The following INSYN2B variants were observed in gnomAD, a reference collection of about 807,000 sequenced individuals.
INSYN2B encodes the protein protein INSYN2B.
A neutral mutation model predicts 41.2 loss-of-function variants in INSYN2B; 16 were observed. The observed-to-expected ratio is 0.39, with a 90% CI of 0.26 to 0.59. The LOEUF (loss-of-function observed/expected upper bound fraction) is 0.59. Ranked by LOEUF, INSYN2B falls within the 20% of genes least tolerant of loss-of-function variation. INSYN2B has a pLI of 0.57. For missense variants in INSYN2B, 608 were observed against 646.4 expected (o/e 0.94, Z 0.64); for synonymous variants, 245 against 244.4 (o/e 1.00, Z -0.02).
rs999064941 is a variant in INSYN2B, at chr5:169,861,793, T to G, written c.*2480A>C. Among the ~76,000 whole-genome samples the G allele has an allele frequency of 2.6e-5, 4 of 152,232 alleles. No homozygotes were observed. The highest frequency in any genetic ancestry group is 5.9e-5 in the Non-Finnish European group (4 of 68,038). ...CTCATAATGATTTTAAATATCAATTTTTCAGAAGAGAACTCCTTCCCAGTT... is the reference window on the plus strand; with the variant it reads ...CTCATAATGATTTTAAATATCAATTGTTCAGAAGAGAACTCCTTCCCAGTT... On this transcript the variant is annotated 3_prime_UTR_variant, in exon 4 of 4. Transcript: ENST00000377365.
intron 1 of INSYN2B, among the ~76,000 whole-genome samples, chr5:169,954,687 C>T (rs1179049813): frequency 6.6e-5 from 10 of 152,210 alleles, no homozygotes; most frequent in East Asian, 1.9e-4. Context: ...ATCCTGGGCC[C>T]TTTCAAACTT....
chr5:169,941,369 A>T (rs1776239975), intron 1 of INSYN2B, among the ~76,000 whole-genome samples: 3 of 151,978 alleles, frequency 2.0e-5, no homozygotes, highest in Admixed American at 1.3e-4. Context: ...CCCCAGGCCC[A>T]GCTAATTTTG....
At position 169,893,987 on chromosome 5, in the gene INSYN2B, T is replaced by C. The variant is rs549587455; in HGVS notation, c.-918-9171A>G. Among the ~76,000 whole-genome samples the C allele has an allele frequency of 6.6e-5, 10 of 152,340 alleles. No individual in the cohort carries two copies. In the South Asian group the frequency reaches 2.1e-3, roughly 32 times the overall value. ...TTATGAATAAAATTGGAAAAGTCTT[T>C]CCATTCTGAAGGGACCTATGCTCCA... On this transcript the variant is annotated intron_variant, in intron 1 of 3. Transcript: ENST00000377365.
intron 1 of INSYN2B, among the ~76,000 whole-genome samples, chr5:169,926,106 C>T (rs945451021): frequency 3.3e-5 from 5 of 152,108 alleles, no homozygotes; most frequent in Admixed American, 2.6e-4. Context: ...AAGTGGGATG[C>T]TGTGGGAAAA....
chr5:169,900,226 C>A (rs905671005), intron 1 of INSYN2B, among the ~76,000 whole-genome samples: 12 of 152,148 alleles, frequency 7.9e-5, no homozygotes, highest in Non-Finnish European at 4.4e-5. Context: ...TTGTAGAAAT[C>A]CACCATCCCA....
At position 169,896,179 on chromosome 5, in the gene INSYN2B, G is replaced by A. The variant is rs913711535; in HGVS notation, c.-918-11363C>T. On this transcript the variant is annotated intron_variant, in intron 1 of 3. Coordinates refer to ENST00000377365, the MANE Select transcript of INSYN2B (RefSeq NM_001129891.3). ...GCCAGAAACCGTTGCTCCTGGGGTC[G>A]GGGGGCGGGGAGGCAGTCAGCAGTG... Among the ~76,000 whole-genome samples, 5 of 152,192 alleles carry A rather than the reference G, an allele frequency of 3.3e-5. No individual in the cohort carries two copies. The East Asian group carries it at 7.7e-4, about 24-fold the overall frequency.
chr5:169,889,320 A>G (rs956834703), intron 1 of INSYN2B, among the ~76,000 whole-genome samples: 2 of 152,120 alleles, frequency 1.3e-5, no homozygotes, highest in Admixed American at 6.5e-5. Context: ...TGCTTTCTCT[A>G]TTTACGGCAG....
chr5:169,957,226 G>A (rs78081645), intron 1 of INSYN2B, among the ~76,000 whole-genome samples: 4,583 of 152,280 alleles, frequency 0.03, 161 homozygotes, highest in African/African-American at 0.08. Flanking sequence ...AATTAAAATG[G>A]ACACATCAAT....
chr5:169,898,970 T>G (rs532350480), intron 1 of INSYN2B, among the ~76,000 whole-genome samples: 2 of 152,080 alleles, frequency 1.3e-5, no homozygotes, highest in African/African-American at 2.4e-5. Flanking sequence ...ATCCAGAAGT[T>G]AAGAACTCAG....
At chr5:169,926,258 T>C (rs577465469) in intron 1 of INSYN2B, among the ~76,000 whole-genome samples, 1 of 152,356 alleles carries the variant, frequency 6.6e-6, no homozygotes, top group South Asian at 2.1e-4. Context: ...GTCTCTCACC[T>C]GCCACCTGCA....
intron 1 of INSYN2B, among the ~76,000 whole-genome samples, chr5:169,945,173 A>G (rs1373154944): frequency 6.6e-6 from 1 of 152,242 alleles, no homozygotes; most frequent in Non-Finnish European, 1.5e-5. Flanking sequence ...GTGGGTTAAA[A>G]GCAGACAGGC....
chr5:169,924,521 G>A (rs564884728), intron 1 of INSYN2B, among the ~76,000 whole-genome samples: 4 of 152,258 alleles, frequency 2.6e-5, no homozygotes, highest in Admixed American at 2.6e-4. Flanking sequence ...TGAGAATCTT[G>A]ATGATCTTTT....
intron 1 of INSYN2B, among the ~76,000 whole-genome samples, chr5:169,973,423 A>G (rs1238985337): frequency 1.3e-5 from 2 of 152,098 alleles, no homozygotes; most frequent in African/African-American, 4.8e-5. Context: ...CTGAATACCT[A>G]GTGTGTGCCA....
At chr5:169,912,477 A>G (rs1270546830) in intron 1 of INSYN2B, among the ~76,000 whole-genome samples, 1 of 152,170 alleles carries the variant, frequency 6.6e-6, no homozygotes, top group Non-Finnish European at 1.5e-5. Context: ...GTGTGTGTGC[A>G]CATATGTGTT....
intron 1 of INSYN2B, among the ~76,000 whole-genome samples, chr5:169,888,471 A>G (rs1199549759): frequency 1.3e-5 from 2 of 152,214 alleles, no homozygotes; most frequent in East Asian, 1.9e-4. Context: ...TGTTCCATCT[A>G]TGCCTTTGGC....
In INSYN2B at chr5:169,905,288, C is replaced by T. The variant is rs73325963; in HGVS notation, c.-918-20472G>A. ...AAACCCAGGAGCAGTACTGTTAGAG[C>T]CAGTGTTTTTTTTTTTTTTCAGGAG... On this transcript the variant is annotated intron_variant, in intron 1 of 3. Coordinates refer to ENST00000377365, the MANE Select transcript of INSYN2B (RefSeq NM_001129891.3). Among the ~76,000 whole-genome samples, 320 of 85,456 alleles carry T rather than the reference C, an allele frequency of 3.7e-3. 1 individual carries two copies. The highest frequency in any genetic ancestry group is 0.018 in the African/African-American group (302 of 16,530). 56.1% of individuals were successfully genotyped at this position (85,456 alleles called of 152,430 possible).
At chr5:169,970,606 G>T (rs1777468481) in intron 1 of INSYN2B, among the ~76,000 whole-genome samples, 1 of 152,206 alleles carries the variant, frequency 6.6e-6, no homozygotes, top group African/African-American at 2.4e-5. Flanking sequence ...AGGCTGGCTT[G>T]CAGGGTAGTT....
At chr5:169,977,773 G>C (rs1339992412) in intron 1 of INSYN2B, among the ~76,000 whole-genome samples, 1 of 152,174 alleles carries the variant, frequency 6.6e-6, no homozygotes, top group Non-Finnish European at 1.5e-5. Context: ...TTTTCCCAAA[G>C]AGTGCTCCCA....
At position 169,945,269 on chromosome 5, in the gene INSYN2B, C is replaced by T. The variant is rs373431529; in HGVS notation, c.-919+35008G>A. On this transcript the variant is annotated intron_variant, in intron 1 of 3. Transcript: ENST00000377365. Reference sequence around the variant, plus strand: ...TCATTCATACAACGGGTCAATAATACCATACTAACGCCTTAGCAGGCATAT... The same window carrying T: ...TCATTCATACAACGGGTCAATAATATCATACTAACGCCTTAGCAGGCATAT... Among the ~76,000 whole-genome samples, 276 of 152,368 alleles carry T rather than the reference C, an allele frequency of 1.8e-3. 6 individuals carry two copies. The South Asian group carries it at 0.048, about 27-fold the overall frequency.
Sources: allele counts gnomAD v4.1 joint callset (sites outside exome capture counted in the v4.1 genomes callset), GRCh38; gene constraint gnomAD v4.1.1; transcripts MANE v1.5; gene names NCBI Gene and HGNC (gene_info 2026-07-23, HGNC 2026-07-21).